Variants in GRIN2A observed in about 807,000 individuals in gnomAD.
The protein encoded by GRIN2A is glutamate ionotropic receptor NMDA type subunit 2A, also known as glutamate receptor ionotropic, NMDA 2A.
Under a neutral mutation model 113.4 loss-of-function variants are expected in GRIN2A, and 22 were observed. The ratio of observed to expected loss-of-function variants is 0.19; its 90% CI spans 0.14 to 0.28. The LOEUF (loss-of-function observed/expected upper bound fraction) is 0.28. Ranked by LOEUF, GRIN2A falls within the 10% of genes least tolerant of loss-of-function variation. The probability of loss-of-function intolerance (pLI) is 1.00; values close to 1 mark genes in which losing one functional copy is unlikely to be tolerated. For missense variants in GRIN2A, 1,502 were observed against 1,887.0 expected, an observed-to-expected ratio of 0.80 and a Z score of 3.78; for synonymous variants, 827 against 738.4, an observed-to-expected ratio of 1.12 and a Z score of -1.94.
At chr16:9,995,217 G>C (rs928367684) in intron 2 of GRIN2A, among the ~76,000 whole-genome samples, 1 of 152,156 alleles carries the variant, frequency 6.6e-6, no homozygotes, top group African/African-American at 2.4e-5. Flanking sequence ...GCCCCCTGGA[G>C]ACTGCAGAGG....
At chr16:10,150,907 G>GCTGCAACCTGTGCCCTGAACATGC (rs1347108268) in intron 2 of GRIN2A, among the ~76,000 whole-genome samples, 27 of 152,102 alleles carry the variant, frequency 1.8e-4, no homozygotes, top group Non-Finnish European at 3.4e-4. Flanking sequence ...CTTGTTTATG[G>GCTGCAACCTGTGCCCTGAACATGC]CTGCAACCTG....
intron 2 of GRIN2A, among the ~76,000 whole-genome samples, chr16:9,944,679 G>T (rs911265708): frequency 2.0e-5 from 3 of 152,038 alleles, no homozygotes; most frequent in Non-Finnish European, 2.9e-5. Flanking sequence ...TGAGGGTAGG[G>T]CACCGTGCCC....
chr16:9,824,721 C>T (rs2042354571), intron 9 of GRIN2A, among the ~76,000 whole-genome samples: 1 of 152,154 alleles, frequency 6.6e-6, no homozygotes, highest in South Asian at 2.1e-4. Context: ...ACTCCATGCA[C>T]ATGTGTGAAA....
chr16:9,993,131 G>A (rs1417502175), intron 2 of GRIN2A, among the ~76,000 whole-genome samples: 1 of 152,096 alleles, frequency 6.6e-6, no homozygotes, highest in Admixed American at 6.6e-5. Context: ...TCCTCGGGAG[G>A]CTGAGGCCCA....
At chr16:9,898,789 T>A (rs1472625385) in intron 3 of GRIN2A, among the ~76,000 whole-genome samples, 15 of 128,236 alleles carry the variant, frequency 1.2e-4, no homozygotes, top group Non-Finnish European at 2.4e-4. Flanking sequence ...TTTCACAGAG[T>A]GTTTTTTTTT....
intron 2 of GRIN2A, among the ~76,000 whole-genome samples, chr16:10,168,943 C>A (rs544616353): frequency 6.7e-6 from 1 of 150,122 alleles, no homozygotes; most frequent in Non-Finnish European, 1.5e-5. Flanking sequence ...CCAGCCTGGG[C>A]GACAAGAGCA....
At chr16:9,875,847 G>A (rs1334942529) in intron 4 of GRIN2A, among the ~76,000 whole-genome samples, 1 of 152,160 alleles carries the variant, frequency 6.6e-6, no homozygotes, top group Non-Finnish European at 1.5e-5. Context: ...CCTCCCCAGT[G>A]CCCAGGCTGG....
chr16:9,814,984 G>A (rs1383838797), intron 10 of GRIN2A, among the ~76,000 whole-genome samples: 1 of 146,400 alleles, frequency 6.8e-6, no homozygotes, highest in African/African-American at 2.6e-5. Flanking sequence ...TTGTGCCATT[G>A]CACTCCAGCC....
At chr16:9,951,484 A>T (rs1234912202) in intron 2 of GRIN2A, among the ~76,000 whole-genome samples, 2 of 152,206 alleles carry the variant, frequency 1.3e-5, no homozygotes, top group African/African-American at 4.8e-5. Flanking sequence ...GTGCATGTCA[A>T]AAAGCTAATA....
chr16:9,839,333 C>G (rs762437631), intron 7 of GRIN2A, among the ~76,000 whole-genome samples: 6 of 151,560 alleles, frequency 4.0e-5, no homozygotes, highest in Non-Finnish European at 7.4e-5. Context: ...AGTCCAAGTG[C>G]TAGAGAAAAG....
intron 3 of GRIN2A, among the ~76,000 whole-genome samples, chr16:9,907,494 G>A (rs1038387805): frequency 6.6e-6 from 1 of 152,148 alleles, no homozygotes; most frequent in Non-Finnish European, 1.5e-5. Flanking sequence ...ACATGTAAGG[G>A]ATTTTGGGGG....
intron 2 of GRIN2A, among the ~76,000 whole-genome samples, chr16:10,165,422 T>C (rs2142337847): frequency 6.6e-6 from 1 of 150,786 alleles, no homozygotes; most frequent in African/African-American, 2.4e-5. Flanking sequence ...CACAAAATCC[T>C]CTAAAATACA....
chr16:9,851,945 G>C (rs899143230), intron 4 of GRIN2A, among the ~76,000 whole-genome samples: 2 of 152,142 alleles, frequency 1.3e-5, no homozygotes, highest in Admixed American at 6.5e-5. Flanking sequence ...AAACATAACT[G>C]AACTGTCACC....
intron 3 of GRIN2A, among the ~76,000 whole-genome samples, chr16:9,929,603 TA>T (rs571726550): frequency 3.6e-4 from 55 of 152,198 alleles, no homozygotes; most frequent in Non-Finnish European, 7.6e-4. Flanking sequence ...TTCTACACAT[TA>T]AAGCCTCCCA....
At chr16:10,001,951 C>T (rs1163104194) in intron 2 of GRIN2A, among the ~76,000 whole-genome samples, 1 of 152,146 alleles carries the variant, frequency 6.6e-6, no homozygotes, top group Non-Finnish European at 1.5e-5. Context: ...GGATTAGATG[C>T]AGGGATATTT....
At chr16:10,167,322 C>A (rs1407029258) in intron 2 of GRIN2A, among the ~76,000 whole-genome samples, 3 of 152,140 alleles carry the variant, frequency 2.0e-5, no homozygotes, top group African/African-American at 7.2e-5. Flanking sequence ...ATCTTAAATT[C>A]TTTGAGTGAG....
intron 4 of GRIN2A, among the ~76,000 whole-genome samples, chr16:9,859,626 A>G (rs1389154396): frequency 6.6e-6 from 1 of 151,470 alleles, no homozygotes; most frequent in East Asian, 1.9e-4. Flanking sequence ...ACACACACAC[A>G]CACACACACA....
At chr16:9,934,678 T>TCAAAA (rs1555455124) in intron 3 of GRIN2A, among the ~76,000 whole-genome samples, 2 of 50,942 alleles carry the variant, frequency 3.9e-5, no homozygotes, top group African/African-American at 1.7e-4. Flanking sequence ...AGACTCTGTC[T>TCAAAA]AAAAAAAAAA....
In GRIN2A at chr16:9,758,534, C is replaced by G. The variant is rs1900450818; in HGVS notation, c.*4615G>C. ...TTTCCATGTGTTAATACCATCATCA[C>G]CATTTAATTTTTAACATAAACTTTA... On this transcript the variant is annotated 3_prime_UTR_variant, in exon 13 of 13. Transcript: ENST00000330684. 1 of 212,090 alleles carries G rather than the reference C, an allele frequency of 4.7e-6. No individual in the cohort carries two copies. Among genetic ancestry groups the G allele is most frequent in the East Asian group, 7.1e-5 (1 of 14,172 alleles). 13.1% of individuals were successfully genotyped at this position (212,090 alleles called of 1,614,324 possible).
Sources: allele counts gnomAD v4.1 joint callset (sites outside exome capture counted in the v4.1 genomes callset), GRCh38; gene constraint gnomAD v4.1.1; transcripts MANE v1.5; gene names NCBI Gene and HGNC (gene_info 2026-07-23, HGNC 2026-07-21).